Variants in ABCA7 observed in about 807,000 individuals in gnomAD.
ABCA7 encodes phospholipid-transporting ATPase ABCA7.
ABCA7 carries 261 observed loss-of-function variants against 227.6 expected under a neutral mutation model. The ratio of observed to expected loss-of-function variants is 1.15; its 90% CI spans 1.04 to 1.27. The LOEUF is 1.27. ABCA7 is among the 50% of genes most tolerant of loss of function. The pLI, the probability that ABCA7 is intolerant of heterozygous loss-of-function variation, is 0.00. For missense variants in ABCA7, 3,331 were observed against 2,924.5 expected, an observed-to-expected ratio of 1.14 and a Z score of -3.21; for synonymous variants, 1,488 against 1,279.7, an observed-to-expected ratio of 1.16 and a Z score of -3.47.
At chr19:1,053,934 A>G (rs2042009624) in intron 25 of ABCA7, 72 bp from the exon 26 acceptor site, 1 of 1,602,046 alleles carries the variant, frequency 6.2e-7, no homozygotes, top group Non-Finnish European at 8.5e-7. Context: ...CATAGCCTTT[A>G]CCCTATACCT....
intron 10 of ABCA7, among the ~76,000 whole-genome samples, chr19:1,044,161 C>A (rs1449498309): frequency 6.7e-6 from 1 of 149,620 alleles, no homozygotes; most frequent in South Asian, 2.1e-4. Flanking sequence ...AGGATGGTCT[C>A]GATCTCCTGA....
At chr19:1,041,080 A>G in intron 1 of ABCA7, 145 bp from the exon 2 acceptor site, 1 of 536,310 alleles carries the variant, frequency 1.9e-6, no homozygotes, top group Non-Finnish European at 3.4e-6. Context: ...TTAAGTCCCC[A>G]GCTGTCAGCC....
At chr19:1,061,757 G>A (rs2144950989) in intron 40 of ABCA7, 25 bp from the exon 41 acceptor site, 1 of 1,604,504 alleles carries the variant, frequency 6.2e-7, no homozygotes, top group Middle Eastern at 1.7e-4. Flanking sequence ...GCCTCACTGA[G>A]CACCATCTGT....
Position 1,052,219 on chromosome 19 carries a change from C to A in ABCA7, c.3153C>A (p.Asp1051Glu). The A allele has an allele frequency of 1.3e-6, 2 of 1,584,000 alleles. No homozygotes were observed. The highest frequency in any genetic ancestry group is 1.7e-6 in the Non-Finnish European group (2 of 1,166,100). Residue 1051 changes from aspartate (D) to glutamate (E), a missense_variant, in exon 23 of 47, where the codon GAC (aspartate) becomes GAA (glutamate). Asp to Glu is a conservative substitution (Grantham distance 45, BLOSUM62 2). Coordinates refer to ENST00000263094, the MANE Select transcript of ABCA7 (RefSeq NM_019112.4). Reference protein sequence around the residue: ...RLPLTTNEKADTDMEGSVDTR... With the variant: ...RLPLTTNEKAETDMEGSVDTR... Reference sequence around the variant, plus strand: ...TGGTGCCTCTCTGCCCGCAGGCTGACACTGACATGGAGGGCAGTGTGGACA... The same window carrying A: ...TGGTGCCTCTCTGCCCGCAGGCTGAAACTGACATGGAGGGCAGTGTGGACA...
intron 16 of ABCA7, 38 bp downstream of exon 16, chr19:1,047,692 C>T (rs760891196): frequency 1.3e-6 from 2 of 1,538,136 alleles, no homozygotes; most frequent in South Asian, 1.2e-5. Context: ...CCGGGTCGCA[C>T]CTGCTTTGCG....
At chr19:1,043,880 G>A (rs780664148) in intron 10 of ABCA7, 39 bp downstream of exon 10, 16 of 1,572,492 alleles carry the variant, frequency 1.0e-5, no homozygotes, top group Middle Eastern at 1.7e-4. Context: ...GTGGCTCCCC[G>A]GTGAGGAGGG....
chr19:1,060,789 G>A (rs1426810091), intron 40 of ABCA7, among the ~76,000 whole-genome samples: 1 of 152,084 alleles, frequency 6.6e-6, no homozygotes, highest in African/African-American at 2.4e-5. Context: ...CAAAGTGCTG[G>A]GGTTACAGGT....
intron 40 of ABCA7, among the ~76,000 whole-genome samples, chr19:1,059,932 CTG>C (rs1367957077): frequency 1.3e-5 from 2 of 152,208 alleles, no homozygotes; most frequent in Non-Finnish European, 2.9e-5. Flanking sequence ...TAAACACACA[CTG>C]TGCTCACTAA....
At position 1,048,976 on chromosome 19, in the gene ABCA7, C is replaced by G. The variant is rs747657133; in HGVS notation, c.2351C>G (p.Ala784Gly). 2 of 1,603,702 alleles carry G rather than the reference C, an allele frequency of 1.2e-6. No individual in the cohort carries two copies. Among genetic ancestry groups the G allele is most frequent in the Admixed American group, 3.4e-5 (2 of 58,604 alleles). Reference sequence around the variant, plus strand: ...GGACCTCGGCCCCCCAAGAGTCCAGCCCCTTGCCCCACCCCGCTGGACCCA... The same window carrying G: ...GGACCTCGGCCCCCCAAGAGTCCAGGCCCTTGCCCCACCCCGCTGGACCCA... ...WCGPRPPKSP[A>G]PCPTPLDPKV... The change falls in exon 17 of 47, where the codon GCC (alanine) becomes GGC (glycine). Residue 784 changes from alanine (A) to glycine (G), a missense_variant. Coordinates refer to ENST00000263094, the MANE Select transcript of ABCA7 (RefSeq NM_019112.4).
chr19:1,046,954 G>A lies in ABCA7; in HGVS notation c.1775G>A (p.Trp592Ter). ...ATGGGGCTCAGCCGCGCGGTGCTCT[G>A]GCTAGGCTGGTTCCTCAGCTGCCTC... Reference protein sequence around the residue: ...RAMGLSRAVLWLGWFLSCLGP... With the variant: ...RAMGLSRAVL Residue 592 changes from tryptophan to a stop codon, truncating the protein, a stop_gained, in exon 14 of 47, where the codon TGG becomes TAG. Transcript: ENST00000263094. LOFTEE classifies it high-confidence loss of function. The A allele has an allele frequency of 3.8e-6, 6 of 1,581,662 alleles. No individual in the cohort carries two copies. Among genetic ancestry groups the A allele is most frequent in the Non-Finnish European group, 5.1e-6 (6 of 1,167,586 alleles).
chr19:1,045,877 C>T (rs1408824697), intron 12 of ABCA7, among the ~76,000 whole-genome samples: 1 of 150,082 alleles, frequency 6.7e-6, no homozygotes, highest in African/African-American at 2.4e-5. Flanking sequence ...CGTGGTAGCA[C>T]GCGCCTGTAG....
chr19:1,065,545 A>T lies in ABCA7; in HGVS notation c.*120A>T. On this transcript the variant is annotated 3_prime_UTR_variant, in exon 47 of 47. Transcript: ENST00000263094. ...TGGTGCCCTGGAGAAAATAAAGAGA[A>T]GGCTGGAGAGAAGCCGTGGTGGTGA... 1 of 1,227,048 alleles carries T rather than the reference A, an allele frequency of 8.1e-7. No homozygotes were observed. Among genetic ancestry groups the T allele is most frequent in the Non-Finnish European group, 1.1e-6 (1 of 889,544 alleles). 76.0% of individuals were successfully genotyped at this position (1,227,048 alleles called of 1,614,324 possible).
In ABCA7 at chr19:1,054,672, G is replaced by A. The variant is rs759410713; in HGVS notation, c.3829G>A (p.Gly1277Ser). 47 of 1,612,674 alleles carry A rather than the reference G, an allele frequency of 2.9e-5. No individual in the cohort carries two copies. Among genetic ancestry groups the A allele is most frequent in the Middle Eastern group, 1.6e-4 (1 of 6,078 alleles). The change falls in exon 28 of 47, where the codon GGT becomes AGT. Residue 1277 changes from glycine (G) to serine (S), a missense_variant. Physicochemically the swap from Gly to Ser is moderately conservative, Grantham distance 56. Transcript: ENST00000263094. The surrounding 1 kb of genome is among the most constrained non-coding windows in gnomAD (Gnocchi z 4.8). Reference sequence around the variant, plus strand: ...TCTGCGGCTCAGTCCCACCATGTACGGTGCTCAGGTGTCCTTCTTCAGGTG... The same window carrying A: ...TCTGCGGCTCAGTCCCACCATGTACAGTGCTCAGGTGTCCTTCTTCAGGTG... Reference protein sequence around the residue: ...PALRLSPTMYGAQVSFFSEDA... With the variant: ...PALRLSPTMYSAQVSFFSEDA...
rs1249009121 is a variant in ABCA7, at chr19:1,047,566, C to T, written c.2181C>T (p.Val727=). The T allele has an allele frequency of 1.9e-5, 30 of 1,602,722 alleles. No homozygotes were observed. The highest frequency in any genetic ancestry group is 2.4e-5 in the Non-Finnish European group (28 of 1,179,066). The change falls in exon 16 of 47, where the codon GTC becomes GTT. Residue 727 remains valine (V), a synonymous_variant. Transcript: ENST00000263094. ...TGGGCACCCGGCCTACGGCAGACGTCTTCAGCCTGGCCCAGGTCTCTGGCC... is the reference window on the plus strand; with the variant it reads ...TGGGCACCCGGCCTACGGCAGACGTTTTCAGCCTGGCCCAGGTCTCTGGCC... ...HNVGTRPTAD[V]FSLAQVSGLL...
chr19:1,051,240 C>G lies in ABCA7; in HGVS notation c.2770C>G (p.Leu924Val). The change falls in exon 20 of 47, where the codon CTG (leucine) becomes GTG (valine). Residue 924 changes from leucine (L) to valine (V), a missense_variant. Leu to Val is a conservative substitution (Grantham distance 32). Transcript: ENST00000263094. ...AVVGPEQDRL[L>V]QDVGLVSKQS... Reference sequence around the variant, plus strand: ...AGTGGGCCCCGAGCAGGACCGTCTGCTGCAGGATGTGGGGCTGGTCTCCAA... The same window carrying G: ...AGTGGGCCCCGAGCAGGACCGTCTGGTGCAGGATGTGGGGCTGGTCTCCAA... 6.2e-7 allele frequency: 1 copy of G among 1,610,136 alleles called. No individual in the cohort carries two copies. Among genetic ancestry groups the G allele is most frequent in the Admixed American group, 1.7e-5 (1 of 59,872 alleles).
chr19:1,061,340 T>G (rs1403884802), intron 40 of ABCA7, among the ~76,000 whole-genome samples: 3 of 126,224 alleles, frequency 2.4e-5, no homozygotes, highest in African/African-American at 6.4e-5. Flanking sequence ...GAGGTTGCAG[T>G]GGGCCAAGAT....
chr19:1,048,847 A>C, intron 16 of ABCA7, 48 bp from the exon 17 acceptor site: 3 of 1,086,356 alleles, frequency 2.8e-6, no homozygotes, highest in African/African-American at 1.6e-5. Context: ...AAAGCCTGGT[A>C]CACTCCTGGG....
rs142547735 is a variant in ABCA7 at position 1,046,749 on chromosome 19, AG to A, written c.1623-46del. 226 of 1,482,886 alleles carry A rather than the reference AG, an allele frequency of 1.5e-4. 1 individual carries two copies. The African/African-American group carries it at 2.1e-3, about 14-fold the overall frequency. The allele number at this position is 1,482,886 out of a possible 1,614,324, so 91.9% of individuals were successfully genotyped here. On this transcript the variant is annotated intron_variant, in intron 13 of 46. Transcript: ENST00000263094. ...ACCAGTCGTGCCAGATGGTGGGCGG[AG>A]GGGGGGTCTGCGGAGGGTCTCCAGC...
chr19:1,050,190 T>C, intron 18 of ABCA7, among the ~76,000 whole-genome samples: 1 of 147,866 alleles, frequency 6.8e-6, no homozygotes, highest in African/African-American at 2.5e-5. Context: ...GTGGGAGGAT[T>C]GCCTGAGGTC....
Sources: allele counts gnomAD v4.1 joint callset (sites outside exome capture counted in the v4.1 genomes callset), GRCh38; gene constraint gnomAD v4.1.1; non-coding constraint Gnocchi (gnomAD v3.1); transcripts MANE v1.5; gene names NCBI Gene and HGNC (gene_info 2026-07-23, HGNC 2026-07-21).